DMXL1: variants seen among roughly 807,000 people sequenced by gnomAD.
DMXL1 encodes the protein dmX-like protein 1.
DMXL1 carries 99 observed loss-of-function variants against 319.2 expected under a neutral mutation model. The ratio of observed to expected loss-of-function variants is 0.31; its 90% CI spans 0.26 to 0.37. DMXL1 has a LOEUF of 0.37. DMXL1 is among the 10% of genes least tolerant of loss of function. The pLI, the probability that DMXL1 is intolerant of heterozygous loss-of-function variation, is 1.00. For missense variants in DMXL1, 3,745 were observed against 3,595.6 expected, an observed-to-expected ratio of 1.04 and a Z score of -1.06; for synonymous variants, 1,385 against 1,235.2, an observed-to-expected ratio of 1.12 and a Z score of -2.54.
At chr5:119,084,750 G>A (rs550828839) in intron 1 of DMXL1, among the ~76,000 whole-genome samples, 54 of 151,684 alleles carry the variant, frequency 3.6e-4, no homozygotes, top group African/African-American at 1.2e-3. Flanking sequence ...CTGTAATTCC[G>A]GCTACTCGGG....
chr5:119,175,685 A>G (rs1243901265), intron 26 of DMXL1, among the ~76,000 whole-genome samples: 1 of 152,138 alleles, frequency 6.6e-6, no homozygotes, highest in Non-Finnish European at 1.5e-5. Flanking sequence ...TGTATATAAT[A>G]TGGCATAGTA....
chr5:119,212,751 G>A (rs1783022456), intron 34 of DMXL1, among the ~76,000 whole-genome samples: 1 of 151,878 alleles, frequency 6.6e-6, no homozygotes, highest in Non-Finnish European at 1.5e-5. Flanking sequence ...TATTCATTGT[G>A]ATTTTTTTTT....
chr5:119,157,883 T>C (rs1771452519), intron 19 of DMXL1, among the ~76,000 whole-genome samples: 2 of 152,222 alleles, frequency 1.3e-5, no homozygotes. Context: ...TGATAGAGAT[T>C]GCGTTGAATC....
rs367905216 is a variant in DMXL1 at position 119,121,090 on chromosome 5, C to G, written c.1053C>G (p.Ala351=). The G allele has an allele frequency of 4.3e-6, 7 of 1,610,456 alleles. No individual in the cohort carries two copies. Among genetic ancestry groups the G allele is most frequent in the African/African-American group, 1.3e-5 (1 of 74,774 alleles). ...HHVHRNTPLH[A]NALCHFHIAA... ...TTCACAGGAACACTCCACTGCATGCCAATGCACTTTGCCACTTTCATATTG... is the reference window on the plus strand; with the variant it reads ...TTCACAGGAACACTCCACTGCATGCGAATGCACTTTGCCACTTTCATATTG... Residue 351 remains alanine (A), a synonymous_variant, in exon 9 of 44, where the codon GCC becomes GCG. Transcript: ENST00000539542.
chr5:119,173,854 G>T (rs188543567), intron 25 of DMXL1, among the ~76,000 whole-genome samples: 19 of 146,256 alleles, frequency 1.3e-4, no homozygotes, highest in African/African-American at 4.8e-4. Flanking sequence ...AGGCTGAAAA[G>T]TCCCAAGATC....
At chr5:119,083,193 C>T (rs74833098) in intron 1 of DMXL1, among the ~76,000 whole-genome samples, 6,244 of 151,986 alleles carry the variant, frequency 0.041, 346 homozygotes, top group African/African-American at 0.13. Flanking sequence ...TATATACACA[C>T]ATATATATTT....
chr5:119,134,296 C>T lies in DMXL1; in HGVS notation c.2283C>T (p.Cys761=). 1 of 1,613,766 alleles carries T rather than the reference C, an allele frequency of 6.2e-7. No homozygotes were observed. Among genetic ancestry groups the T allele is most frequent in the Admixed American group, 1.7e-5 (1 of 59,926 alleles). The change falls in exon 13 of 44, where the codon TGC becomes TGT. Residue 761 remains cysteine (C), a synonymous_variant. Coordinates refer to ENST00000539542, the MANE Select transcript of DMXL1 (RefSeq NM_001290321.3). ...LGAYCNSPSA[C]FVASDGQYLR... ...CATACTGCAACTCTCCTAGTGCATG[C>T]TTTGTAGCCAGTGATGGACAATATC...
At chr5:119,150,599 G>T (rs1769557589) in intron 18 of DMXL1, among the ~76,000 whole-genome samples, 178 bp downstream of exon 18, 3 of 151,648 alleles carry the variant, frequency 2.0e-5, no homozygotes, top group African/African-American at 7.3e-5. Flanking sequence ...GACCAGTCTG[G>T]GCAACATAGT....
chr5:119,136,344 T>A (rs1049139210), intron 13 of DMXL1, among the ~76,000 whole-genome samples: 1 of 152,252 alleles, frequency 6.6e-6, no homozygotes, highest in Non-Finnish European at 1.5e-5. Flanking sequence ...TTGAAATTTA[T>A]GTTAACTTAC....
chr5:119,141,547 G>C (rs886960155), intron 13 of DMXL1, among the ~76,000 whole-genome samples: 4 of 152,092 alleles, frequency 2.6e-5, no homozygotes, highest in Non-Finnish European at 5.9e-5. Context: ...GCTATCCAGG[G>C]GGGTGGAAGA....
chr5:119,242,977 A>G (rs1225593593), intron 42 of DMXL1, among the ~76,000 whole-genome samples: 4 of 152,238 alleles, frequency 2.6e-5, no homozygotes, highest in Non-Finnish European at 5.9e-5. Flanking sequence ...TGCATGTAAT[A>G]TGCAAAATAA....
intron 27 of DMXL1, 64 bp from the exon 28 acceptor site, chr5:119,177,932 T>C (rs1581174025): frequency 5.1e-6 from 7 of 1,385,008 alleles, no homozygotes; most frequent in South Asian, 1.6e-5. Context: ...TAGAAAAATA[T>C]AGTTAATTTT....
At chr5:119,239,782 C>G (rs960032168) in intron 41 of DMXL1, among the ~76,000 whole-genome samples, 1 of 148,646 alleles carries the variant, frequency 6.7e-6, no homozygotes, top group South Asian at 2.1e-4. Flanking sequence ...ATGGTGAAAC[C>G]CTATCTCTAC....
chr5:119,177,520 T>C, intron 27 of DMXL1, 36 bp downstream of exon 27: 2 of 1,545,254 alleles, frequency 1.3e-6, no homozygotes, highest in Non-Finnish European at 1.7e-6. Context: ...TTTTTCTTAG[T>C]CTTATTTATA....
At chr5:119,084,639 G>A (rs544450731) in intron 1 of DMXL1, among the ~76,000 whole-genome samples, 46 of 151,230 alleles carry the variant, frequency 3.0e-4, no homozygotes, top group African/African-American at 1.1e-3. Flanking sequence ...TGAGGCGGGT[G>A]GATCATCTGA....
intron 19 of DMXL1, among the ~76,000 whole-genome samples, chr5:119,159,202 G>A (rs992916061): frequency 5.9e-5 from 9 of 151,894 alleles, no homozygotes; most frequent in Admixed American, 4.6e-4. Context: ...GTGCAATCTC[G>A]GCTCACTGCA....
chr5:119,216,828 G>C, intron 34 of DMXL1, 73 bp from the exon 35 acceptor site: 1 of 778,548 alleles, frequency 1.3e-6, no homozygotes, highest in Non-Finnish European at 2.2e-6. Context: ...AGTACTAATT[G>C]ATAGATTGGC....
At chr5:119,187,422 C>T (rs1639621428) in intron 28 of DMXL1, among the ~76,000 whole-genome samples, 1 of 152,074 alleles carries the variant, frequency 6.6e-6, no homozygotes, top group Non-Finnish European at 1.5e-5. Context: ...ATCGGTGCCC[C>T]TAAGCTTCAC....
At chr5:119,165,316 T>C in intron 21 of DMXL1, 36 bp downstream of exon 21, 3 of 1,086,154 alleles carry the variant, frequency 2.8e-6, no homozygotes, top group Non-Finnish European at 4.1e-6. Context: ...GGTGCTTCAA[T>C]GTGAAAACCT....
Sources: gnomAD v4.1 joint callset for allele counts (sites outside exome capture counted in the v4.1 genomes callset) on GRCh38, gnomAD v4.1.1 for gene constraint, MANE v1.5 for transcripts, NCBI Gene and HGNC (gene_info 2026-07-23, HGNC 2026-07-21) for gene names.